The following EYS variants were observed in gnomAD, a reference collection of about 807,000 sequenced individuals.
The protein encoded by EYS is EGF-like photoreceptor maintenance factor, also known as protein eyes shut homolog.
Under a neutral mutation model 282.1 loss-of-function variants are expected in EYS, and 250 were observed. That is an observed-to-expected ratio of 0.89 (90% CI 0.80 to 0.98). The LOEUF is 0.98. Ranked by LOEUF, EYS falls within the 50% of genes least tolerant of loss-of-function variation. EYS has a pLI of 0.00. For missense variants in EYS, 4,016 were observed against 3,709.0 expected (o/e 1.08, Z -2.15); for synonymous variants, 1,355 against 1,282.9 (o/e 1.06, Z -1.20).
chr6:64,092,734 C>A (rs1772416333), intron 31 of EYS, among the ~76,000 whole-genome samples: 2 of 151,772 alleles, frequency 1.3e-5, no homozygotes. Context: ...GTTTCTTTTG[C>A]TGTGCAGAAG....
intron 6 of EYS, 23 bp from the exon 7 acceptor site, chr6:65,402,628 T>G: frequency 2.7e-6 from 4 of 1,488,226 alleles, no homozygotes; most frequent in South Asian, 1.1e-5. Context: ...AAAAAAATAT[T>G]TTTACAAAGT....
At chr6:64,712,291 C>T (rs1218450633) in intron 22 of EYS, among the ~76,000 whole-genome samples, 2 of 152,112 alleles carry the variant, frequency 1.3e-5, no homozygotes, top group African/African-American at 4.8e-5. Flanking sequence ...ATATGAGGCA[C>T]AAAAGGTAGG....
intron 26 of EYS, among the ~76,000 whole-genome samples, chr6:64,478,577 C>G (rs182296840): frequency 2.5e-4 from 38 of 150,932 alleles, no homozygotes; most frequent in Non-Finnish European, 4.3e-4. Context: ...TATTTGATGA[C>G]TGATATAGTA....
chr6:63,735,925 G>A (rs919251768), intron 41 of EYS, among the ~76,000 whole-genome samples: 1 of 152,068 alleles, frequency 6.6e-6, no homozygotes, highest in Non-Finnish European at 1.5e-5. Context: ...CTGCACGATC[G>A]ATTCAAACCA....
intron 1 of EYS, among the ~76,000 whole-genome samples, chr6:65,648,326 G>A (rs1415298767): frequency 1.3e-5 from 2 of 151,550 alleles, no homozygotes; most frequent in Non-Finnish European, 2.9e-5. Context: ...GTGTGTGTGT[G>A]TGTGTGTGTG....
intron 9 of EYS, among the ~76,000 whole-genome samples, chr6:65,348,791 T>C (rs1770494377): frequency 2.0e-5 from 3 of 151,664 alleles, no homozygotes; most frequent in African/African-American, 7.2e-5. Context: ...CTTTGCCCAG[T>C]CCAATATGCT....
At chr6:64,501,550 G>A (rs1438412188) in intron 26 of EYS, among the ~76,000 whole-genome samples, 1 of 151,814 alleles carries the variant, frequency 6.6e-6, no homozygotes, top group African/African-American at 2.4e-5. Flanking sequence ...TATTAATCAG[G>A]GATAGTGAGT....
chr6:63,811,493 A>T (rs1446861147), intron 36 of EYS, among the ~76,000 whole-genome samples: 1 of 152,016 alleles, frequency 6.6e-6, no homozygotes, highest in Non-Finnish European at 1.5e-5. Context: ...TTCCTACCTT[A>T]ATGACTGCTG....
intron 14 of EYS, among the ~76,000 whole-genome samples, chr6:64,947,921 G>A (rs191470626): frequency 2.0e-5 from 3 of 151,744 alleles, no homozygotes; most frequent in Admixed American, 2.0e-4. Flanking sequence ...AAATGCATAA[G>A]CACACTGCTG....
At chr6:63,926,890 A>G (rs1036977649) in intron 35 of EYS, among the ~76,000 whole-genome samples, 1 of 152,222 alleles carries the variant, frequency 6.6e-6, no homozygotes, top group Non-Finnish European at 1.5e-5. Flanking sequence ...CTATTATATT[A>G]ATACTCAACT....
chr6:64,096,959 T>C (rs1034887724), intron 31 of EYS, among the ~76,000 whole-genome samples: 1 of 152,224 alleles, frequency 6.6e-6, no homozygotes, highest in Non-Finnish European at 1.5e-5. Context: ...TTTGATAGTT[T>C]TCCTTCTAAC....
intron 26 of EYS, among the ~76,000 whole-genome samples, chr6:64,447,331 C>T (rs1037554329): frequency 3.9e-5 from 6 of 152,028 alleles, no homozygotes; most frequent in African/African-American, 1.4e-4. Context: ...TTACATAATC[C>T]ATTTTAGCTC....
intron 8 of EYS, among the ~76,000 whole-genome samples, chr6:65,373,770 T>A (rs1159391838): frequency 6.6e-6 from 1 of 152,142 alleles, no homozygotes; most frequent in South Asian, 2.1e-4. Context: ...TCCTTTACAA[T>A]AAATAATATT....
chr6:65,189,466 G>T (rs780206586), intron 12 of EYS, among the ~76,000 whole-genome samples: 5 of 151,768 alleles, frequency 3.3e-5, no homozygotes, highest in Admixed American at 6.6e-5. Flanking sequence ...GATCAATGCT[G>T]CTGAGTGCTT....
intron 22 of EYS, among the ~76,000 whole-genome samples, chr6:64,789,569 C>G (rs564239385): frequency 1.3e-5 from 2 of 152,192 alleles, no homozygotes. Context: ...TAACCCATAC[C>G]AAGGTGCCCT....
chr6:65,512,362 A>G (rs111867464), intron 2 of EYS, among the ~76,000 whole-genome samples: 4,507 of 151,548 alleles, frequency 0.03, 232 homozygotes, highest in African/African-American at 0.1. Context: ...TGTGGCGAGC[A>G]CCTGTAGTCC....
At chr6:65,703,747 A>C (rs1298227896) in intron 1 of EYS, among the ~76,000 whole-genome samples, 3 of 152,160 alleles carry the variant, frequency 2.0e-5, no homozygotes, top group African/African-American at 7.2e-5. Context: ...TGAGAAATTC[A>C]CATTATCTCA....
intron 29 of EYS, among the ~76,000 whole-genome samples, chr6:64,381,485 C>T (rs1470937387): frequency 2.0e-5 from 3 of 151,836 alleles, no homozygotes; most frequent in African/African-American, 7.3e-5. Context: ...TTTTCTCTTC[C>T]ATGTTATTTT....
Position 64,771,556 on chromosome 6 carries a change from A to T in EYS, c.3443+41822T>A, listed in dbSNP as rs2149986309. Among the ~76,000 whole-genome samples, 2 of 151,804 alleles carry T rather than the reference A, an allele frequency of 1.3e-5. 1 individual carries two copies. The highest frequency in any genetic ancestry group is 3.0e-5 in the Non-Finnish European group (2 of 67,694). ...CACATTACACATTTTTCTTTGTACTACTTTGCATAAGTTTTTAGTATGTAG... is the reference window on the plus strand; with the variant it reads ...CACATTACACATTTTTCTTTGTACTTCTTTGCATAAGTTTTTAGTATGTAG... On this transcript the variant is annotated intron_variant, in intron 22 of 42. Transcript: ENST00000503581.
Sources: allele counts gnomAD v4.1 joint callset (sites outside exome capture counted in the v4.1 genomes callset), GRCh38; gene constraint gnomAD v4.1.1; transcripts MANE v1.5; gene names NCBI Gene and HGNC (gene_info 2026-07-23, HGNC 2026-07-21).